Variants in MINDY2 observed in about 807,000 individuals in gnomAD.
The protein encoded by MINDY2 is ubiquitin carboxyl-terminal hydrolase MINDY-2.
A neutral mutation model predicts 68.2 loss-of-function variants in MINDY2; 52 were observed. The observed-to-expected ratio is 0.76, with a 90% CI of 0.61 to 0.96. The LOEUF is 0.96. Among genes scored for constraint, MINDY2 ranks in the 40% least tolerant of loss-of-function variants. The pLI, the probability that MINDY2 is intolerant of heterozygous loss-of-function variation, is 0.00. For synonymous variants in MINDY2, 372 were observed against 303.0 expected, an observed-to-expected ratio of 1.23 and a Z score of -2.36; for missense variants, 881 against 773.4, an observed-to-expected ratio of 1.14 and a Z score of -1.65.
intron 2 of MINDY2, 63 bp from the exon 3 acceptor site, chr15:58,802,249 CT>C: frequency 9.3e-7 from 1 of 1,073,814 alleles, no homozygotes; most frequent in Non-Finnish European, 1.4e-6. Context: ...AGATCTATTA[CT>C]TTTGTAATCA....
At chr15:58,783,331 G>T (rs1190191741) in intron 1 of MINDY2, among the ~76,000 whole-genome samples, 1 of 152,116 alleles carries the variant, frequency 6.6e-6, no homozygotes, top group African/African-American at 2.4e-5. Flanking sequence ...GTGTTGTTGA[G>T]TACTTATTAT....
In MINDY2 at chr15:58,855,573, A is replaced by C. The variant is rs1372339850; in HGVS notation, c.*963A>C. ...CTTATTAAAACCAATGAAAAAGCACATTTCTGAAATGAAGTTAGAGATAAT... is the reference window on the plus strand; with the variant it reads ...CTTATTAAAACCAATGAAAAAGCACCTTTCTGAAATGAAGTTAGAGATAAT... On this transcript the variant is annotated 3_prime_UTR_variant, in exon 9 of 9. Transcript: ENST00000559228. 5 of 152,684 alleles carry C rather than the reference A, an allele frequency of 3.3e-5. No homozygotes were observed. Among genetic ancestry groups the C allele is most frequent in the Non-Finnish European group, 5.9e-5 (4 of 68,040 alleles). The allele number at this position is 152,684 out of a possible 1,614,324, so 9.5% of individuals were successfully genotyped here.
At position 58,771,916 on chromosome 15, in the gene MINDY2, ACT is replaced by A; in HGVS notation, c.526_527del (p.Leu176GlyfsTer5). Reference sequence around the variant, plus strand: ...CCTCCTGGGGAATCTCCGAGCCTGGACTCTCTGGAGTCGTTCTCTAACCTGCA... The same window carrying A: ...CCTCCTGGGGAATCTCCGAGCCTGGACTCTGGAGTCGTTCTCTAACCTGCA... On this transcript the variant is annotated frameshift_variant, in exon 1 of 9. Coordinates refer to ENST00000559228, the MANE Select transcript of MINDY2 (RefSeq NM_001040450.3). LOFTEE classifies it high-confidence loss of function. 1 of 1,556,622 alleles carries A rather than the reference ACT, an allele frequency of 6.4e-7. No homozygotes were observed. The highest frequency in any genetic ancestry group is 8.7e-7 in the Non-Finnish European group (1 of 1,153,034).
Position 58,833,051 on chromosome 15 carries a change from T to A in MINDY2, c.1368+1135T>A, listed in dbSNP as rs538263114. ...GGCTCTGTCAAAAACATTTACTGTT[T>A]TACTCTTTTTATCTCTTATAGCCAT... On this transcript the variant is annotated intron_variant, in intron 6 of 8. Transcript: ENST00000559228. Among the ~76,000 whole-genome samples, 5 of 152,322 alleles carry A rather than the reference T, an allele frequency of 3.3e-5. No homozygotes were observed. The South Asian group carries it at 8.3e-4, about 25-fold the overall frequency.
chr15:58,847,538 C>G, intron 7 of MINDY2, 68 bp downstream of exon 7: 1 of 1,361,804 alleles, frequency 7.3e-7, no homozygotes, highest in Non-Finnish European at 9.8e-7. Context: ...ATTCATGTAT[C>G]CAAAATTTTT....
At chr15:58,779,363 C>G (rs1900987764) in intron 1 of MINDY2, among the ~76,000 whole-genome samples, 2 of 152,220 alleles carry the variant, frequency 1.3e-5, no homozygotes, top group South Asian at 2.1e-4. Context: ...CTTGCCAGGG[C>G]TGAGTTTTTG....
chr15:58,783,206 C>G (rs981078020), intron 1 of MINDY2, among the ~76,000 whole-genome samples: 1 of 152,006 alleles, frequency 6.6e-6, no homozygotes, highest in Admixed American at 6.6e-5. Context: ...CAGGAGTGAC[C>G]GACTCTGCCC....
intron 5 of MINDY2, among the ~76,000 whole-genome samples, chr15:58,824,207 C>G (rs1403325160): frequency 6.6e-6 from 1 of 152,106 alleles, no homozygotes; most frequent in Non-Finnish European, 1.5e-5. Context: ...AAAATCAGTT[C>G]CTTCATTACT....
Position 58,861,023 on chromosome 15 carries a change from T to A in MINDY2, c.*6413T>A, listed in dbSNP as rs1346905716. 1 of 151,948 alleles carries A rather than the reference T, an allele frequency of 6.6e-6. No individual in the cohort carries two copies. Among genetic ancestry groups the A allele is most frequent in the African/African-American group, 2.4e-5 (1 of 41,314 alleles). The allele number at this position is 151,948 out of a possible 1,614,324, so 9.4% of individuals were successfully genotyped here. A position where few individuals can be genotyped will look rare whatever the true frequency, so the allele number is the denominator to read the frequency against. ...TAACAGGAGATTGGTGTGTGAATGC[T>A]ACAAAACAGTCAGCAAAAGGAATCA... On this transcript the variant is annotated 3_prime_UTR_variant, in exon 9 of 9. Coordinates refer to ENST00000559228, the MANE Select transcript of MINDY2 (RefSeq NM_001040450.3).
intron 1 of MINDY2, among the ~76,000 whole-genome samples, chr15:58,775,596 G>A (rs890836926): frequency 7.2e-5 from 11 of 152,178 alleles, no homozygotes; most frequent in Admixed American, 6.6e-4. Flanking sequence ...CTTTGATGAG[G>A]ATAATGTAGC....
At chr15:58,838,727 C>T (rs548974194) in intron 6 of MINDY2, among the ~76,000 whole-genome samples, 5 of 151,384 alleles carry the variant, frequency 3.3e-5, no homozygotes, top group Non-Finnish European at 5.9e-5. Flanking sequence ...GTTGGGATTA[C>T]AGGCGGGTAC....
intron 2 of MINDY2, among the ~76,000 whole-genome samples, chr15:58,801,970 T>C (rs1358708661): frequency 6.6e-6 from 1 of 152,236 alleles, no homozygotes; most frequent in East Asian, 1.9e-4. Context: ...TTTAGAAGAC[T>C]GATAATACCC....
At position 58,771,378 on chromosome 15, in the gene MINDY2, G is replaced by A; in HGVS notation, c.-18G>A. 6.3e-7 allele frequency: 1 copy of A among 1,595,234 alleles called. No individual in the cohort carries two copies. The highest frequency in any genetic ancestry group is 8.5e-7 in the Non-Finnish European group (1 of 1,172,736). On this transcript the variant is annotated 5_prime_UTR_variant, in exon 1 of 9. Coordinates refer to ENST00000559228, the MANE Select transcript of MINDY2 (RefSeq NM_001040450.3). ...AAGTGGCCGCGGTCTCCATAGAGCT[G>A]GGGGCGGGCGGCCCGGTATGGAGAG...
At chr15:58,841,656 C>T (rs952381217) in intron 6 of MINDY2, among the ~76,000 whole-genome samples, 4 of 152,120 alleles carry the variant, frequency 2.6e-5, no homozygotes, top group African/African-American at 4.8e-5. Context: ...CCACCTGCCT[C>T]GGCCTCCCAG....
At chr15:58,845,972 C>G (rs144446890) in intron 6 of MINDY2, among the ~76,000 whole-genome samples, 2 of 151,710 alleles carry the variant, frequency 1.3e-5, no homozygotes, top group African/African-American at 4.8e-5. Flanking sequence ...CATGTTCTTT[C>G]TTATTTTTGC....
chr15:58,847,570 A>G (rs1468175467), intron 7 of MINDY2, 100 bp downstream of exon 7: 25 of 983,504 alleles, frequency 2.5e-5, no homozygotes, highest in Admixed American at 2.8e-5. Context: ...TAATTCATCA[A>G]TATGCTTGTG....
At chr15:58,823,133 T>C (rs1282075405) in intron 5 of MINDY2, among the ~76,000 whole-genome samples, 1 of 151,078 alleles carries the variant, frequency 6.6e-6, no homozygotes, top group Non-Finnish European at 1.5e-5. Flanking sequence ...CTAATCTTTT[T>C]TTTTTCTTTT....
intron 1 of MINDY2, among the ~76,000 whole-genome samples, chr15:58,784,160 TA>T (rs1169805582): frequency 2.2e-4 from 33 of 151,944 alleles, no homozygotes; most frequent in Non-Finnish European, 4.4e-5. Context: ...ACCCCACCTC[TA>T]TAAAAAATAC....
rs2032995929 is a variant in MINDY2 at position 58,854,599 on chromosome 15, G to A, written c.1855G>A (p.Val619Ile). ...KEKEKEKNSC[V>I]IL ...AAAAGAAAAGGAAAAAAATAGCTGT[G>A]TTATTTTGTAACAAGTGTTGGCTTC... The change falls in exon 9 of 9, where the codon GTT becomes ATT. Residue 619 changes from valine (V) to isoleucine (I), a missense_variant. Val to Ile is a conservative substitution (Grantham distance 29, BLOSUM62 3). Coordinates refer to ENST00000559228, the MANE Select transcript of MINDY2 (RefSeq NM_001040450.3). 9 of 1,608,078 alleles carry A rather than the reference G, an allele frequency of 5.6e-6. No individual in the cohort carries two copies. Among genetic ancestry groups the A allele is most frequent in the Non-Finnish European group, 6.8e-6 (8 of 1,179,402 alleles).
Sources: allele counts gnomAD v4.1 joint callset (sites outside exome capture counted in the v4.1 genomes callset), GRCh38; gene constraint gnomAD v4.1.1; transcripts MANE v1.5; gene names NCBI Gene and HGNC (gene_info 2026-07-23, HGNC 2026-07-21).